MIER2: variants seen among roughly 807,000 people sequenced by gnomAD.
The protein encoded by MIER2 is MIER family member 2, also known as mesoderm induction early response protein 2.
Under a neutral mutation model 67.6 loss-of-function variants are expected in MIER2, and 30 were observed. The ratio of observed to expected loss-of-function variants is 0.44; its 90% CI spans 0.33 to 0.60. The LOEUF is 0.60. Ranked by LOEUF, MIER2 falls within the 20% of genes least tolerant of loss-of-function variation. MIER2 has a pLI of 0.02. For missense variants in MIER2, 702 were observed against 745.1 expected, an observed-to-expected ratio of 0.94 and a Z score of 0.67; for synonymous variants, 372 against 312.6, an observed-to-expected ratio of 1.19 and a Z score of -2.00.
Position 307,133 on chromosome 19 carries a change from C to A in MIER2, c.1602G>T (p.Ser534=). 6.3e-7 allele frequency: 1 copy of A among 1,583,324 alleles called. No individual in the cohort carries two copies. ...GTGGCACTCACTGTGACAGGGGCTC[C>A]GAGTGTAGCCCGGGGGCCGGGCACG... ...HPTCPAPGLH[S]EPLSHCNVMT... The change falls in exon 13 of 14, where the codon TCG becomes TCT. Residue 534 remains serine (S), a synonymous_variant. Transcript: ENST00000264819.
chr19:321,220 T>C (rs1418638265), intron 7 of MIER2, among the ~76,000 whole-genome samples: 3 of 152,134 alleles, frequency 2.0e-5, no homozygotes, highest in Non-Finnish European at 2.9e-5. Flanking sequence ...TTTTACCAAG[T>C]AGGCAATTCA....
chr19:327,052 G>A (rs546772338), intron 5 of MIER2, 81 bp downstream of exon 5: 7 of 1,513,886 alleles, frequency 4.6e-6, no homozygotes, highest in East Asian at 2.3e-5. Context: ...GCCTGCATCA[G>A]CCCAAGGACC....
In MIER2 at chr19:308,929, C is replaced by T. The variant is rs763025488; in HGVS notation, c.985-4G>A. ...CGCCCACTGACCGTGTGCGCACCTGCGGGGAGGGGTCAGGAGCCATCTCTG... is the reference window on the plus strand; with the variant it reads ...CGCCCACTGACCGTGTGCGCACCTGTGGGGAGGGGTCAGGAGCCATCTCTG... On this transcript the variant is annotated splice_polypyrimidine_tract_variant and splice_region_variant and intron_variant, in intron 10 of 13. Coordinates refer to ENST00000264819, the MANE Select transcript of MIER2 (RefSeq NM_017550.3). This position sits in a 1 kb window ranked among gnomAD's most constrained non-coding sequence, Gnocchi z 9.1. 3.8e-6 allele frequency: 6 copies of T among 1,598,590 alleles called. No homozygotes were observed. Among genetic ancestry groups the T allele is most frequent in the East Asian group, 2.3e-5 (1 of 44,336 alleles).
chr19:331,790 G>C (rs530710545), intron 3 of MIER2, among the ~76,000 whole-genome samples: 107 of 152,130 alleles, frequency 7.0e-4, no homozygotes, highest in African/African-American at 2.5e-3. Context: ...AGACCAGCCT[G>C]TCCAACATGA....
intron 1 of MIER2, among the ~76,000 whole-genome samples, chr19:338,374 A>G (rs571998828): frequency 2.0e-5 from 3 of 152,072 alleles, no homozygotes; most frequent in African/African-American, 4.8e-5. Flanking sequence ...CATTTACAAT[A>G]GCATCAAGGG....
intron 3 of MIER2, among the ~76,000 whole-genome samples, chr19:331,364 A>G (rs930268534): frequency 2.0e-4 from 31 of 151,800 alleles, no homozygotes; most frequent in African/African-American, 7.3e-4. Flanking sequence ...TCCCCAGAAA[A>G]AAAAAAAAAA....
In MIER2 at chr19:327,060, A is replaced by G. The variant is rs956537507; in HGVS notation, c.493+73T>C. On this transcript the variant is annotated intron_variant, in intron 5 of 13. Coordinates refer to ENST00000264819, the MANE Select transcript of MIER2 (RefSeq NM_017550.3). ...GTTCTTGGCCTGCATCAGCCCAAGG[A>G]CCCTTCATCAAGCATCACGACTGCC... 2.6e-6 allele frequency: 4 copies of G among 1,524,752 alleles called. No homozygotes were observed. The African/African-American group carries it at 5.6e-5, about 21-fold the overall frequency. 94.5% of individuals were successfully genotyped at this position (1,524,752 alleles called of 1,614,324 possible).
chr19:324,686 C>T (rs1971657700), intron 7 of MIER2, among the ~76,000 whole-genome samples: 3 of 152,170 alleles, frequency 2.0e-5, no homozygotes, highest in Non-Finnish European at 2.9e-5. Context: ...GCAGACGACT[C>T]GAATGACACA....
At chr19:317,743 AAAAAC>A (rs1256809895) in intron 7 of MIER2, among the ~76,000 whole-genome samples, 8 of 150,384 alleles carry the variant, frequency 5.3e-5, no homozygotes, top group Admixed American at 3.3e-4. Flanking sequence ...AAAAAAAAAA[AAAAAC>A]AAACAAACAA....
intron 1 of MIER2, chr19:343,851 G>C (rs535182274): frequency 1.0e-5 from 10 of 985,392 alleles, no homozygotes; most frequent in Middle Eastern, 1.0e-3. Context: ...CAAGGTGAAA[G>C]CAAGTCCACA....
At position 344,762 on chromosome 19, in the gene MIER2, C is replaced by A; in HGVS notation, c.9+12G>T. 8.4e-7 allele frequency: 1 copy of A among 1,184,948 alleles called. No individual in the cohort carries two copies. Among genetic ancestry groups the A allele is most frequent in the Non-Finnish European group, 1.0e-6 (1 of 957,744 alleles). The allele number at this position is 1,184,948 out of a possible 1,614,324, so 73.4% of individuals were successfully genotyped here. The stretch of plus-strand genomic sequence containing the variant: ...GGGGCGGGGGGCCGGCTCCCCCGGC[C>A]CGCTCACTCACCTCCGCCATGGCCG... On this transcript the variant is annotated intron_variant, in intron 1 of 13. Coordinates refer to ENST00000264819, the MANE Select transcript of MIER2 (RefSeq NM_017550.3).
At position 334,471 on chromosome 19, in the gene MIER2, C is replaced by A; in HGVS notation, c.172G>T (p.Gly58Trp). The change falls in exon 3 of 14, where the codon GGG becomes TGG. Residue 58 changes from glycine to tryptophan, a missense_variant. By Grantham distance (184) the Gly-to-Trp change is radical. Around this residue, in one of 3 missense-constraint regions of MIER2, gnomAD observed 320 missense variants for 292.6 expected, o/e 1.09. Transcript: ENST00000264819. ...CACCTCGAGGCCTCCTCGCACTCCCCCCTAACACTGTAGTTCTGTGACAGG... is the reference window on the plus strand; with the variant it reads ...CACCTCGAGGCCTCCTCGCACTCCCACCTAACACTGTAGTTCTGTGACAGG... ...EILSQNYSVR[G>W]ECEEASRCPD... is the part of the protein sequence containing the mutation. The A allele has an allele frequency of 6.2e-7, 1 of 1,614,178 alleles. No homozygotes were observed. The highest frequency in any genetic ancestry group is 2.2e-5 in the East Asian group (1 of 44,878).
chr19:331,712 G>A (rs189957691), intron 3 of MIER2, among the ~76,000 whole-genome samples: 181 of 151,986 alleles, frequency 1.2e-3, no homozygotes, highest in African/African-American at 4.2e-3. Flanking sequence ...GGCCAGGCGT[G>A]GTGGCTCATG....
chr19:306,425 A>G lies in MIER2; in HGVS notation c.*265T>C, dbSNP rs913319924. 1.4e-5 allele frequency: 8 copies of G among 590,112 alleles called. No homozygotes were observed. The highest frequency in any genetic ancestry group is 2.1e-5 in the Non-Finnish European group (7 of 332,184). 36.6% of individuals were successfully genotyped at this position (590,112 alleles called of 1,614,324 possible). A position where few individuals can be genotyped will look rare whatever the true frequency, so the allele number is the denominator to read the frequency against. ...TCTTCTGTCCCCGGCTGCCCGACGG[A>G]TCCCACGTGCAGGCAGCGGCCCGGA... On this transcript the variant is annotated 3_prime_UTR_variant, in exon 14 of 14. Coordinates refer to ENST00000264819, the MANE Select transcript of MIER2 (RefSeq NM_017550.3).
At position 313,481 on chromosome 19, in the gene MIER2, G is replaced by A. The variant is rs1166121139; in HGVS notation, c.807+11C>T. 3 of 1,608,760 alleles carry A rather than the reference G, an allele frequency of 1.9e-6. No homozygotes were observed. In the East Asian group the frequency reaches 6.7e-5, roughly 36 times the overall value. ...CCTCAGCCCCTCTGTCCCCGGCATG[G>A]CAGCCCCCACCTGCTCACTGTCTTT... On this transcript the variant is annotated intron_variant, in intron 8 of 13. Transcript: ENST00000264819.
chr19:318,974 G>A (rs771749754), intron 7 of MIER2, among the ~76,000 whole-genome samples: 7 of 145,912 alleles, frequency 4.8e-5, no homozygotes, highest in Middle Eastern at 3.9e-3. Flanking sequence ...GGAGAATGGC[G>A]TGAACCCAGG....
intron 7 of MIER2, among the ~76,000 whole-genome samples, chr19:314,509 T>C (rs537043639): frequency 3.9e-5 from 6 of 152,060 alleles, no homozygotes; most frequent in African/African-American, 9.6e-5. Context: ...CGGGAAGAAA[T>C]GTGAAAAACG....
At position 308,639 on chromosome 19, in the gene MIER2, C is replaced by T; in HGVS notation, c.1136G>A (p.Ser379Asn). ...CGGACGGCCGGGGCCATCGGGGTCG[C>T]TGCCATCCAGGTCCTGGTCTGCGTC... is the stretch of plus-strand genomic sequence containing the variant. ...TTDADQDLDG[S>N]DPDGPGRPRP... is the part of the protein sequence containing the mutation. Residue 379 changes from serine (S) to asparagine (N), a missense_variant, in exon 12 of 14, where the codon AGC becomes AAC. Physicochemically the swap from Ser to Asn is conservative, Grantham distance 46. Around this residue, in one of 3 missense-constraint regions of MIER2, gnomAD observed 254 missense variants for 262.8 expected, o/e 0.97. Transcript: ENST00000264819. This position sits in a 1 kb window ranked among gnomAD's most constrained non-coding sequence, Gnocchi z 9.1. 1.2e-6 allele frequency: 2 copies of T among 1,605,858 alleles called. No individual in the cohort carries two copies. The highest frequency in any genetic ancestry group is 2.2e-5 in the East Asian group (1 of 44,574).
At position 333,104 on chromosome 19, in the gene MIER2, C is replaced by T. The variant is rs1167863027; in HGVS notation, c.243+1296G>A. On this transcript the variant is annotated intron_variant, in intron 3 of 13. Transcript: ENST00000264819. ...GTCTCCCGGGTTCACGTCATTCTCC[C>T]GCCTCAGCCTCCCGAGTAGCTGGGA... 9.3e-5 allele frequency among the ~76,000 whole-genome samples: 8 copies of T among 85,822 alleles called. 3 individuals carry two copies. The highest frequency in any genetic ancestry group is 4.9e-4 in the African/African-American group (8 of 16,166). 56.3% of individuals were successfully genotyped at this position (85,822 alleles called of 152,430 possible). A position where few individuals can be genotyped will look rare whatever the true frequency, so the allele number is the denominator to read the frequency against.
Sources: gnomAD v4.1 joint callset for allele counts (sites outside exome capture counted in the v4.1 genomes callset) on GRCh38, gnomAD v4.1.1 for gene constraint, gnomAD v4.1.1 regional missense constraint, Gnocchi (gnomAD v3.1) non-coding constraint, MANE v1.5 for transcripts, NCBI Gene and HGNC (gene_info 2026-07-23, HGNC 2026-07-21) for gene names.